RNLS: variants seen among roughly 807,000 people sequenced by gnomAD.
RNLS encodes the protein renalase, FAD dependent amine oxidase, also known as renalase.
In RNLS, 39 loss-of-function variants were observed where a neutral mutation model predicts 39.8. The observed-to-expected ratio is 0.98, with a 90% CI of 0.76 to 1.28. RNLS has a LOEUF of 1.28. Among genes scored for constraint, RNLS ranks in the 50% most tolerant of loss-of-function variants. The pLI, the probability that RNLS is intolerant of heterozygous loss-of-function variation, is 0.00. For synonymous variants in RNLS, 147 were observed against 150.7 expected, an observed-to-expected ratio of 0.98 and a Z score of 0.18; for missense variants, 410 against 413.3, an observed-to-expected ratio of 0.99 and a Z score of 0.07.
At chr10:88,248,572 A>C in the RNLS span, among the ~76,000 whole-genome samples, 1 of 152,164 alleles carries the variant, frequency 6.6e-6, no homozygotes, top group African/African-American at 2.4e-5. Context: ...CACTGATGCT[A>C]TGGATAATTT....
At chr10:88,358,668 T>C (rs1014405728) in intron 5 of RNLS, among the ~76,000 whole-genome samples, 3 of 152,234 alleles carry the variant, frequency 2.0e-5, no homozygotes, top group Non-Finnish European at 4.4e-5. Context: ...TCATAACTAT[T>C]GTTACTTGAA....
intron 4 of RNLS, among the ~76,000 whole-genome samples, chr10:88,395,534 G>A (rs1375182370): frequency 6.6e-6 from 1 of 151,972 alleles, no homozygotes; most frequent in African/African-American, 2.4e-5. Flanking sequence ...TTGAAGATGA[G>A]TCAACTGATG....
intron 5 of RNLS, among the ~76,000 whole-genome samples, chr10:88,330,410 C>T (rs1384986843): frequency 2.0e-5 from 3 of 151,950 alleles, no homozygotes; most frequent in African/African-American, 7.2e-5. Context: ...GGTTTGGCAT[C>T]TCAGTAAGAC....
At chr10:88,286,373 C>G (rs1244743483) in intron 6 of RNLS, among the ~76,000 whole-genome samples, 1 of 151,970 alleles carries the variant, frequency 6.6e-6, no homozygotes, top group Non-Finnish European at 1.5e-5. Flanking sequence ...AAAAAAGACA[C>G]AGAGATTGTT....
chr10:88,575,214 GTA>G (rs10583088), intron 3 of RNLS, among the ~76,000 whole-genome samples: 48,522 of 128,428 alleles, frequency 0.38, 9,485 homozygotes, highest in East Asian at 0.57. Context: ...ATATGTGTGT[GTA>G]TATATATATA....
chr10:88,274,709 G>T, exon 7 of RNLS: 1 of 376,952 alleles, frequency 2.7e-6, no homozygotes, highest in Non-Finnish European at 5.0e-6. Context: ...TAGATATCCA[G>T]ATGTGGAACT....
rs546027664 is a variant in RNLS, at chr10:88,361,029, G to A, written c.700+1523C>T. Among the ~76,000 whole-genome samples the A allele has an allele frequency of 3.3e-5, 5 of 152,346 alleles. No homozygotes were observed. In the South Asian group the frequency reaches 1.0e-3, roughly 32 times the overall value. ...CAGTTCTGGAGGCTGAGAAGTCCAAGATCAAGGTGCTGGTAGATTTGGCTT... is the reference window on the plus strand; with the variant it reads ...CAGTTCTGGAGGCTGAGAAGTCCAAAATCAAGGTGCTGGTAGATTTGGCTT... On this transcript the variant is annotated intron_variant, in intron 5 of 6. Coordinates refer to ENST00000331772, the MANE Select transcript of RNLS (RefSeq NM_001031709.3).
intron 5 of RNLS, among the ~76,000 whole-genome samples, chr10:88,346,238 C>CA (rs1056928113): frequency 6.6e-6 from 1 of 152,096 alleles, no homozygotes; most frequent in Non-Finnish European, 1.5e-5. Context: ...ACAAAGAGAA[C>CA]AGTGGGATTC....
the RNLS span, among the ~76,000 whole-genome samples, chr10:88,172,849 T>TG: frequency 5.8e-4 from 25 of 43,478 alleles, 1 homozygote; most frequent in Non-Finnish European, 1.1e-3. Context: ...GTTGTTTTTT[T>TG]TTTTTTTTTT....
At chr10:88,527,127 T>G (rs1340964758) in intron 4 of RNLS, among the ~76,000 whole-genome samples, 1 of 152,144 alleles carries the variant, frequency 6.6e-6, no homozygotes, top group African/African-American at 2.4e-5. Flanking sequence ...CAAATCTGTG[T>G]GGGTCACTCT....
At chr10:88,353,499 G>T (rs1017935716) in intron 5 of RNLS, among the ~76,000 whole-genome samples, 1 of 152,196 alleles carries the variant, frequency 6.6e-6, no homozygotes, top group Non-Finnish European at 1.5e-5. Context: ...AGCTTGTTCA[G>T]TTTCCATGTA....
chr10:88,415,573 A>G (rs1223093674), intron 4 of RNLS, among the ~76,000 whole-genome samples: 3 of 152,174 alleles, frequency 2.0e-5, no homozygotes, highest in Non-Finnish European at 2.9e-5. Flanking sequence ...TAACTTCATT[A>G]TCATTTATTG....
the RNLS span, among the ~76,000 whole-genome samples, chr10:88,207,711 T>C: frequency 6.6e-6 from 1 of 152,186 alleles, no homozygotes; most frequent in Admixed American, 6.6e-5. Context: ...AAAGGTTTTC[T>C]TTATGCTAGA....
chr10:88,393,010 C>G (rs1290861186), intron 4 of RNLS, among the ~76,000 whole-genome samples: 2 of 152,144 alleles, frequency 1.3e-5, no homozygotes, highest in Non-Finnish European at 2.9e-5. Flanking sequence ...GCTAAAAACT[C>G]TCAATAAATT....
At chr10:88,560,525 A>G (rs1232855840) in intron 4 of RNLS, among the ~76,000 whole-genome samples, 1 of 152,112 alleles carries the variant, frequency 6.6e-6, no homozygotes, top group East Asian at 1.9e-4. Flanking sequence ...AGAGAGTGCA[A>G]TGTTTCTGGA....
intron 4 of RNLS, among the ~76,000 whole-genome samples, chr10:88,466,627 T>A (rs1044052444): frequency 6.6e-6 from 1 of 152,154 alleles, no homozygotes; most frequent in Non-Finnish European, 1.5e-5. Flanking sequence ...AGAATGGAAC[T>A]GTGTCCCACC....
chr10:88,300,836 T>G (rs1396515503), intron 6 of RNLS, among the ~76,000 whole-genome samples: 1 of 152,186 alleles, frequency 6.6e-6, no homozygotes, highest in Non-Finnish European at 1.5e-5. Context: ...CTTTTTTTGT[T>G]TGTTAGTTTT....
intron 5 of RNLS, among the ~76,000 whole-genome samples, chr10:88,345,287 T>G (rs1337574968): frequency 1.3e-5 from 2 of 152,166 alleles, no homozygotes; most frequent in East Asian, 3.8e-4. Context: ...CTCAGCTCTT[T>G]GATTTGCTAA....
chr10:88,479,591 T>C (rs1844031356), intron 4 of RNLS, among the ~76,000 whole-genome samples: 1 of 152,110 alleles, frequency 6.6e-6, no homozygotes, highest in Non-Finnish European at 1.5e-5. Context: ...ATTGGATTTG[T>C]CTAAGCAAAG....
Sources: allele counts gnomAD v4.1 joint callset (sites outside exome capture counted in the v4.1 genomes callset), GRCh38; gene constraint gnomAD v4.1.1; transcripts MANE v1.5; gene names NCBI Gene and HGNC (gene_info 2026-07-23, HGNC 2026-07-21).